The following COL19A1 variants were observed in gnomAD, a reference collection of about 807,000 sequenced individuals.
COL19A1 encodes the protein collagen alpha-1(XIX) chain.
COL19A1 carries 159 observed loss-of-function variants against 190.2 expected under a neutral mutation model. That is an observed-to-expected ratio of 0.84 (90% CI 0.73 to 0.95). COL19A1 has a LOEUF of 0.95. Ranked by LOEUF, COL19A1 falls within the 40% of genes least tolerant of loss-of-function variation. The probability of loss-of-function intolerance (pLI) is 0.00; values close to 1 mark genes in which losing one functional copy is unlikely to be tolerated. For missense variants in COL19A1, 1,418 were observed against 1,431.9 expected, an observed-to-expected ratio of 0.99 and a Z score of 0.16; for synonymous variants, 509 against 458.9, an observed-to-expected ratio of 1.11 and a Z score of -1.39.
intron 18 of COL19A1, among the ~76,000 whole-genome samples, chr6:70,130,727 G>A (rs1322335270): frequency 6.6e-6 from 1 of 152,374 alleles, no homozygotes; most frequent in East Asian, 1.9e-4. Flanking sequence ...GGACTGCTGA[G>A]TAGCAGTTGG....
chr6:70,032,435 G>A (rs780592644), intron 12 of COL19A1, among the ~76,000 whole-genome samples: 6 of 152,040 alleles, frequency 3.9e-5, no homozygotes, highest in South Asian at 2.1e-4. Flanking sequence ...CTCTAAAGTC[G>A]TACTAATCAA....
intron 11 of COL19A1, among the ~76,000 whole-genome samples, chr6:69,963,809 A>G (rs1039673159): frequency 2.0e-5 from 3 of 152,234 alleles, no homozygotes; most frequent in East Asian, 1.9e-4. Flanking sequence ...GTGTTTTATT[A>G]TAATAAATAA....
chr6:70,125,481 T>C (rs1300908512), intron 17 of COL19A1, among the ~76,000 whole-genome samples: 2 of 152,080 alleles, frequency 1.3e-5, no homozygotes, highest in African/African-American at 4.8e-5. Flanking sequence ...ATATAGGAAC[T>C]GATCTTTTCC....
chr6:69,979,670 A>G (rs1002578750), intron 11 of COL19A1, among the ~76,000 whole-genome samples: 1 of 151,614 alleles, frequency 6.6e-6, no homozygotes, highest in African/African-American at 2.4e-5. Flanking sequence ...GAGATAAACT[A>G]CCTTTTTTTA....
chr6:70,205,771 C>T (rs1465923781), intron 49 of COL19A1, among the ~76,000 whole-genome samples: 2 of 152,146 alleles, frequency 1.3e-5, no homozygotes, highest in African/African-American at 2.4e-5. Context: ...TTTCTCTGTA[C>T]TCTTGTAGCT....
intron 50 of COL19A1, 44 bp from the exon 51 acceptor site, chr6:70,207,103 G>A: frequency 6.2e-7 from 1 of 1,607,464 alleles, no homozygotes; most frequent in Admixed American, 1.7e-5. Context: ...AGAGAGGAAG[G>A]GCCATATGTG....
chr6:69,928,580 C>T (rs1010022135), intron 5 of COL19A1, among the ~76,000 whole-genome samples: 1 of 152,048 alleles, frequency 6.6e-6, no homozygotes, highest in Non-Finnish European at 1.5e-5. Flanking sequence ...TCTAGGAGAA[C>T]AACATAATAT....
At chr6:69,877,153 C>G (rs921143457) in intron 1 of COL19A1, among the ~76,000 whole-genome samples, 1 of 152,060 alleles carries the variant, frequency 6.6e-6, no homozygotes, top group East Asian at 1.9e-4. Flanking sequence ...AATGATGGCA[C>G]CCAAGTGATA....
chr6:70,072,014 A>C (rs1018090012), intron 15 of COL19A1, among the ~76,000 whole-genome samples: 4 of 152,218 alleles, frequency 2.6e-5, no homozygotes, highest in Admixed American at 2.0e-4. Context: ...TTAGGGCATG[A>C]GTTGTGAGGT....
intron 11 of COL19A1, among the ~76,000 whole-genome samples, chr6:69,994,943 C>T (rs1776816481): frequency 6.6e-6 from 1 of 152,164 alleles, no homozygotes; most frequent in South Asian, 2.1e-4. Flanking sequence ...GGCCTGGCTT[C>T]ACCAAAGAGG....
At chr6:70,190,792 A>C (rs918028035) in intron 48 of COL19A1, among the ~76,000 whole-genome samples, 5 of 152,198 alleles carry the variant, frequency 3.3e-5, no homozygotes, top group Non-Finnish European at 5.9e-5. Context: ...TGACCAATGC[A>C]GAGTAGTGTC....
intron 1 of COL19A1, among the ~76,000 whole-genome samples, chr6:69,871,048 GC>G (rs1324942320): frequency 6.6e-6 from 1 of 152,168 alleles, no homozygotes; most frequent in East Asian, 1.9e-4. Flanking sequence ...CAGAAACTTT[GC>G]CTAAATTGCA....
At chr6:70,061,207 G>T (rs9454954) in intron 14 of COL19A1, among the ~76,000 whole-genome samples, 4 of 152,018 alleles carry the variant, frequency 2.6e-5, no homozygotes, top group African/African-American at 9.7e-5. Context: ...ATTGATCTGT[G>T]TTTTACTAAT....
chr6:70,151,556 G>A (rs1039343997), intron 31 of COL19A1, 118 bp downstream of exon 31: 12 of 867,724 alleles, frequency 1.4e-5, no homozygotes, highest in African/African-American at 3.4e-5. Context: ...TTTTTAAATG[G>A]CAGGACATCT....
intron 48 of COL19A1, among the ~76,000 whole-genome samples, chr6:70,192,277 T>C (rs1766921850): frequency 6.6e-6 from 1 of 152,122 alleles, no homozygotes; most frequent in African/African-American, 2.4e-5. Flanking sequence ...GCAAAAAATG[T>C]TTTTTTAAAG....
At chr6:70,112,333 A>T (rs1451705120) in intron 16 of COL19A1, among the ~76,000 whole-genome samples, 1 of 152,048 alleles carries the variant, frequency 6.6e-6, no homozygotes, top group Admixed American at 6.6e-5. Context: ...TGGGTCATTG[A>T]TGTTGCATCT....
intron 15 of COL19A1, among the ~76,000 whole-genome samples, chr6:70,077,527 C>T (rs1371232075): frequency 6.6e-6 from 1 of 152,150 alleles, no homozygotes; most frequent in East Asian, 1.9e-4. Context: ...ATGTCCAACA[C>T]AAACATATAC....
intron 48 of COL19A1, among the ~76,000 whole-genome samples, chr6:70,198,148 A>G (rs1031873546): frequency 6.6e-6 from 1 of 152,222 alleles, no homozygotes; most frequent in African/African-American, 2.4e-5. Context: ...AGAACATGGA[A>G]GTAACTCTTT....
intron 11 of COL19A1, among the ~76,000 whole-genome samples, chr6:70,001,778 G>A (rs1247439355): frequency 6.6e-6 from 1 of 151,976 alleles, no homozygotes; most frequent in Non-Finnish European, 1.5e-5. Flanking sequence ...CTGAGATGAT[G>A]GGGTTTTCTA....
Sources: allele counts gnomAD v4.1 joint callset (sites outside exome capture counted in the v4.1 genomes callset), GRCh38; gene constraint gnomAD v4.1.1; transcripts MANE v1.5; gene names NCBI Gene and HGNC (gene_info 2026-07-23, HGNC 2026-07-21).